RPS6KA2: variants seen among roughly 807,000 people sequenced by gnomAD.
RPS6KA2 encodes the protein ribosomal protein S6 kinase alpha-2.
A neutral mutation model predicts 91.8 loss-of-function variants in RPS6KA2; 42 were observed. The observed-to-expected ratio is 0.46, with a 90% CI of 0.36 to 0.59. The LOEUF (loss-of-function observed/expected upper bound fraction) is 0.59, where lower values mean the gene tolerates loss of function less well. Ranked by LOEUF, RPS6KA2 falls within the 20% of genes least tolerant of loss-of-function variation. RPS6KA2 has a pLI of 0.00. For missense variants in RPS6KA2, 798 were observed against 978.5 expected (o/e 0.82, Z 2.46); for synonymous variants, 414 against 393.6 (o/e 1.05, Z -0.61).
chr6:166,409,662 C>T lies in RPS6KA2; in HGVS notation c.*3100G>A, dbSNP rs1267074882. 6.6e-6 allele frequency: 1 copy of T among 152,522 alleles called. No individual in the cohort carries two copies. The highest frequency in any genetic ancestry group is 2.4e-5 in the African/African-American group (1 of 41,446). 9.4% of individuals were successfully genotyped at this position (152,522 alleles called of 1,614,324 possible). A position where few individuals can be genotyped will look rare whatever the true frequency, so the allele number is the denominator to read the frequency against. ...CACCTTCCGCCCTCTCCACACCGCTCAGGGACCGGCAGCGTCCTTCTCCAT... is the reference window on the plus strand; with the variant it reads ...CACCTTCCGCCCTCTCCACACCGCTTAGGGACCGGCAGCGTCCTTCTCCAT... On this transcript the variant is annotated 3_prime_UTR_variant, in exon 21 of 21. Transcript: ENST00000265678.
rs1315355146 is a variant in RPS6KA2 at position 166,434,820 on chromosome 6, G to A, written c.1333-2330C>T. ...TACAAGGAGTAAAAAAGGCCGACGC[G>A]AGCAGGTGCATCCTACGCCATCCCT... On this transcript the variant is annotated intron_variant, in intron 14 of 20. Transcript: ENST00000265678. The surrounding 1 kb of genome is among the most constrained non-coding windows in gnomAD (Gnocchi z 4.4). Among the ~76,000 whole-genome samples the A allele has an allele frequency of 1.3e-5, 2 of 152,120 alleles. No individual in the cohort carries two copies. The highest frequency in any genetic ancestry group is 2.4e-5 in the African/African-American group (1 of 41,400).
intron 2 of RPS6KA2, among the ~76,000 whole-genome samples, chr6:166,695,848 G>A (rs1461367804): frequency 1.3e-5 from 2 of 151,702 alleles, no homozygotes; most frequent in Non-Finnish European, 2.9e-5. Context: ...ATTCTCACAG[G>A]AGCACTGGAT....
chr6:166,498,699 G>A (rs763270636), intron 7 of RPS6KA2, 49 bp from the exon 8 acceptor site: 30 of 1,603,254 alleles, frequency 1.9e-5, no homozygotes, highest in Non-Finnish European at 2.5e-5. Context: ...GGGTGTGTTC[G>A]GGGGTCCACA....
intron 2 of RPS6KA2, among the ~76,000 whole-genome samples, chr6:166,637,990 G>T (rs964682001): frequency 6.6e-6 from 1 of 152,248 alleles, no homozygotes; most frequent in Admixed American, 6.5e-5. Context: ...GGCCGGGAGC[G>T]TGGGAAATCC....
At chr6:166,792,068 A>G (rs1340356272) in intron 2 of RPS6KA2, among the ~76,000 whole-genome samples, 3 of 152,328 alleles carry the variant, frequency 2.0e-5, no homozygotes, top group South Asian at 4.1e-4. Flanking sequence ...CAAAAAATCA[A>G]TGAATCTGGG....
At chr6:166,701,984 A>G (rs1789535702) in intron 2 of RPS6KA2, 2 of 1,023,266 alleles carry the variant, frequency 2.0e-6, no homozygotes, top group African/African-American at 3.1e-5. Flanking sequence ...ATTTTGAGCT[A>G]AAATCTTCAA....
intron 2 of RPS6KA2, among the ~76,000 whole-genome samples, chr6:166,699,013 C>T (rs538314509): frequency 6.6e-6 from 1 of 152,088 alleles, no homozygotes; most frequent in Non-Finnish European, 1.5e-5. Context: ...TGGAAGATGC[C>T]GAGTAGATAG....
intron 10 of RPS6KA2, among the ~76,000 whole-genome samples, chr6:166,481,730 A>G (rs1169751320): frequency 6.6e-6 from 1 of 151,642 alleles, no homozygotes; most frequent in African/African-American, 2.4e-5. Context: ...AAGATGGTAG[A>G]CTGTACGTAT....
At chr6:166,829,232 T>C (rs560928006) in intron 2 of RPS6KA2, among the ~76,000 whole-genome samples, 1 of 152,248 alleles carries the variant, frequency 6.6e-6, no homozygotes, top group African/African-American at 2.4e-5. Context: ...GTGGCACTAC[T>C]GGTGGAAATG....
chr6:166,743,747 C>T (rs1048273105), intron 2 of RPS6KA2, among the ~76,000 whole-genome samples: 14 of 152,320 alleles, frequency 9.2e-5, no homozygotes, highest in South Asian at 4.2e-4. Context: ...ACCCGTAGAA[C>T]GTTAACAAAC....
At chr6:166,824,711 GTGTC>G (rs1394014961) in intron 2 of RPS6KA2, among the ~76,000 whole-genome samples, 2 of 134,658 alleles carry the variant, frequency 1.5e-5, no homozygotes, top group African/African-American at 2.7e-5. Context: ...CTGTGTGTGT[GTGTC>G]TGTGTGTATG....
At chr6:166,675,462 C>G (rs1254583437) in intron 2 of RPS6KA2, among the ~76,000 whole-genome samples, 1 of 152,210 alleles carries the variant, frequency 6.6e-6, no homozygotes, top group Non-Finnish European at 1.5e-5. Context: ...GCAAAGGTAA[C>G]CAATCCCACA....
chr6:166,731,477 C>T (rs1007222673), intron 2 of RPS6KA2, among the ~76,000 whole-genome samples: 1 of 152,096 alleles, frequency 6.6e-6, no homozygotes, highest in African/African-American at 2.4e-5. Flanking sequence ...GGGCAAGGAA[C>T]TTGTGAGACA....
At chr6:166,787,675 A>C (rs1321924901) in intron 2 of RPS6KA2, among the ~76,000 whole-genome samples, 8 of 152,202 alleles carry the variant, frequency 5.3e-5, no homozygotes, top group Admixed American at 2.6e-4. Context: ...AAATTAACTC[A>C]AGATGGAGTA....
chr6:166,499,188 T>C (rs1200252030), intron 7 of RPS6KA2, among the ~76,000 whole-genome samples: 1 of 151,914 alleles, frequency 6.6e-6, no homozygotes, highest in Admixed American at 6.5e-5. Context: ...AGAACAGGGA[T>C]CTCCAGGTGC....
chr6:166,565,343 G>A (rs1012902386), intron 1 of RPS6KA2, among the ~76,000 whole-genome samples: 1 of 152,252 alleles, frequency 6.6e-6, no homozygotes, highest in Admixed American at 6.5e-5. Flanking sequence ...TTCTTCTGCG[G>A]TGTGCTTCAG....
chr6:166,821,047 T>C lies in RPS6KA2; in HGVS notation c.123+37153A>G, dbSNP rs992645327. ...GCAGGGACAAGCAGGTGTCTTGGAA[T>C]GATGGGTCCAGGGCTATAGGGATTT... is the stretch of plus-strand genomic sequence containing the variant. On this transcript the variant is annotated intron_variant, in intron 2 of 21. Transcript: ENST00000503859. This position sits in a 1 kb window ranked among gnomAD's most constrained non-coding sequence, Gnocchi z 4.1. Among the ~76,000 whole-genome samples, 1 of 152,180 alleles carries C rather than the reference T, an allele frequency of 6.6e-6. No individual in the cohort carries two copies. The highest frequency in any genetic ancestry group is 1.5e-5 in the Non-Finnish European group (1 of 68,036).
chr6:166,502,349 T>G (rs1054696341), intron 6 of RPS6KA2, among the ~76,000 whole-genome samples: 2 of 152,262 alleles, frequency 1.3e-5, no homozygotes, highest in African/African-American at 4.8e-5. Context: ...CTTTTCATCT[T>G]TGCCTTTTGG....
intron 10 of RPS6KA2, among the ~76,000 whole-genome samples, chr6:166,479,881 A>G (rs770515554): frequency 7.2e-5 from 11 of 152,132 alleles, no homozygotes; most frequent in Non-Finnish European, 1.5e-4. Context: ...GCAATGAGCT[A>G]TTTTTACTTA....
Sources: gnomAD v4.1 joint callset for allele counts (sites outside exome capture counted in the v4.1 genomes callset) on GRCh38, gnomAD v4.1.1 for gene constraint, Gnocchi (gnomAD v3.1) non-coding constraint, MANE v1.5 for transcripts, NCBI Gene and HGNC (gene_info 2026-07-23, HGNC 2026-07-21) for gene names.